The following RSPH4A variants were observed in gnomAD, a reference collection of about 807,000 sequenced individuals.
RSPH4A encodes radial spoke head component 4A.
Under a neutral mutation model 71.0 loss-of-function variants are expected in RSPH4A, and 47 were observed. The observed-to-expected ratio is 0.66, with a 90% CI of 0.52 to 0.84. The LOEUF (loss-of-function observed/expected upper bound fraction) is 0.84. Ranked by LOEUF, RSPH4A falls within the 40% of genes least tolerant of loss-of-function variation. RSPH4A has a pLI of 0.00. For missense variants in RSPH4A, 793 were observed against 855.2 expected, an observed-to-expected ratio of 0.93 and a Z score of 0.91; for synonymous variants, 282 against 302.3, an observed-to-expected ratio of 0.93 and a Z score of 0.70.
chr6:116,626,793 A>T (rs1775702159), intron 2 of RSPH4A, among the ~76,000 whole-genome samples: 2 of 152,200 alleles, frequency 1.3e-5, no homozygotes, highest in South Asian at 4.1e-4. Flanking sequence ...GTCTTCAAGT[A>T]TAGACATGAG....
chr6:116,622,577 A>G (rs1775627075), intron 1 of RSPH4A, among the ~76,000 whole-genome samples, 191 bp from the exon 2 acceptor site: 1 of 152,194 alleles, frequency 6.6e-6, no homozygotes, highest in Non-Finnish European at 1.5e-5. Context: ...TTCCTTAAAA[A>G]CAAACTGAGT....
chr6:116,622,808 G>A lies in RSPH4A; in HGVS notation c.727G>A (p.Glu243Lys), dbSNP rs756946037. The change falls in exon 2 of 6, where the codon GAG becomes AAG. Residue 243 changes from glutamate (E) to lysine (K), a missense_variant. Coordinates refer to ENST00000229554, the MANE Select transcript of RSPH4A (RefSeq NM_001010892.3). The part of the protein sequence containing the change: ...LSNMLTKILN[E>K]RPENAVDIFE... ...TAATATGTTGACCAAGATATTAAAT[G>A]AGCGTCCTGAAAATGCTGTTGACAT... 9 of 1,611,854 alleles carry A rather than the reference G, an allele frequency of 5.6e-6. No homozygotes were observed. In the Admixed American group the frequency reaches 1.0e-4, roughly 18 times the overall value.
chr6:116,618,002 G>A (rs1209448173), intron 1 of RSPH4A, among the ~76,000 whole-genome samples: 3 of 152,126 alleles, frequency 2.0e-5, no homozygotes, highest in Non-Finnish European at 2.9e-5. Context: ...TAATGATAGG[G>A]TCAGTAGAAT....
chr6:116,617,173 G>A lies in RSPH4A; in HGVS notation c.550G>A (p.Glu184Lys), dbSNP rs750012036. Residue 184 changes from glutamate to lysine, a missense_variant, in exon 1 of 6, where the codon GAA becomes AAA. Glu to Lys is a moderately conservative substitution (Grantham distance 56). Transcript: ENST00000229554. ...GCTGAGATTTGACGTTTTTCAGGAG[G>A]AAGACTCAAACAGTGACTATGATTT... is the stretch of plus-strand genomic sequence containing the variant. ...KELRFDVFQEEDSNSDYDLQQ... is the reference protein window; with the variant it reads ...KELRFDVFQEKDSNSDYDLQQ... 6 of 1,614,094 alleles carry A rather than the reference G, an allele frequency of 3.7e-6. No individual in the cohort carries two copies. The Admixed American group carries it at 1.0e-4, about 27-fold the overall frequency.
At chr6:116,631,713 G>A (rs146862719) in intron 5 of RSPH4A, among the ~76,000 whole-genome samples, 2 of 152,262 alleles carry the variant, frequency 1.3e-5, no homozygotes, top group African/African-American at 2.4e-5. Flanking sequence ...GCAACTTCCC[G>A]TAAAGACAGC....
chr6:116,625,183 C>T (rs908184906), intron 2 of RSPH4A, among the ~76,000 whole-genome samples: 5 of 152,050 alleles, frequency 3.3e-5, no homozygotes, highest in African/African-American at 1.2e-4. Flanking sequence ...TTTGACAACA[C>T]GATAAATGAC....
rs878902533 is a variant in RSPH4A, at chr6:116,632,678, A to C, written c.*237A>C. The C allele has an allele frequency of 1.2e-5, 6 of 489,174 alleles. No individual in the cohort carries two copies. In the South Asian group the frequency reaches 1.2e-4, roughly 10 times the overall value. The allele number at this position is 489,174 out of a possible 1,614,324, so 30.3% of individuals were successfully genotyped here. A position where few individuals can be genotyped will look rare whatever the true frequency, so the allele number is the denominator to read the frequency against. On this transcript the variant is annotated 3_prime_UTR_variant, in exon 6 of 6. Transcript: ENST00000229554. ...GAGGCTAAATAACATGCAATTGCAT[A>C]ATTGTTCTGAGGGTTATGGATAATG...
intron 4 of RSPH4A, 106 bp downstream of exon 4, chr6:116,629,808 G>A: frequency 3.8e-6 from 4 of 1,044,496 alleles, no homozygotes; most frequent in Non-Finnish European, 5.8e-6. Flanking sequence ...AACTGGACAG[G>A]AGCCAAGGTC....
At chr6:116,619,355 GTAGGT>G (rs1428295950) in intron 1 of RSPH4A, among the ~76,000 whole-genome samples, 2 of 152,126 alleles carry the variant, frequency 1.3e-5, no homozygotes, top group African/African-American at 4.8e-5. Flanking sequence ...ATCAGACAAA[GTAGGT>G]TAGAGAATTT....
At chr6:116,626,600 C>A (rs554418490) in intron 2 of RSPH4A, among the ~76,000 whole-genome samples, 102 of 152,308 alleles carry the variant, frequency 6.7e-4, no homozygotes, top group African/African-American at 2.4e-3. Context: ...CTCGGCCTCC[C>A]AAAGTGCTGG....
rs2115356606 is a variant in RSPH4A at position 116,623,000 on chromosome 6, A to C, written c.919A>C (p.Ile307Leu). Reference protein sequence around the residue: ...EGVDQELEDEIAENALPNVME... With the variant: ...EGVDQELEDELAENALPNVME... ...AGTTGACCAAGAATTGGAAGATGAA[A>C]TAGTAAGTCACTACTACAAATTTTA... is the stretch of plus-strand genomic sequence containing the variant. The change falls in exon 2 of 6, where the codon ATA becomes CTA. Residue 307 changes from isoleucine (I) to leucine (L), a missense_variant and splice_region_variant. By Grantham distance (5) the Ile-to-Leu change is conservative. Transcript: ENST00000229554. The C allele has an allele frequency of 6.4e-7, 1 of 1,562,606 alleles. No homozygotes were observed. The highest frequency in any genetic ancestry group is 2.2e-5 in the East Asian group (1 of 44,590).
intron 1 of RSPH4A, among the ~76,000 whole-genome samples, chr6:116,621,002 G>A (rs1395672003): frequency 6.6e-6 from 1 of 152,080 alleles, no homozygotes; most frequent in Non-Finnish European, 1.5e-5. Context: ...AGAATTACAG[G>A]TGCCTGCCAC....
intron 5 of RSPH4A, among the ~76,000 whole-genome samples, chr6:116,630,870 T>TTTTC (rs1554249740): frequency 6.9e-6 from 1 of 144,806 alleles, no homozygotes; most frequent in Non-Finnish European, 1.5e-5. Context: ...TTTTTTTTTT[T>TTTTC]AGTAGAGACA....
intron 2 of RSPH4A, among the ~76,000 whole-genome samples, chr6:116,625,363 T>G (rs1394388901): frequency 6.6e-6 from 1 of 152,140 alleles, no homozygotes; most frequent in Admixed American, 6.6e-5. Context: ...TATTTAATGT[T>G]TGGAAAAGTC....
chr6:116,628,387 C>T lies in RSPH4A; in HGVS notation c.1662+18C>T. ...TCTCTCAGGTAGGAGCTTTGCACTT[C>T]TCAATCTATCAGGTAATTAGGCAAA... On this transcript the variant is annotated intron_variant, in intron 3 of 5. Transcript: ENST00000229554. The T allele has an allele frequency of 6.3e-7, 1 of 1,577,858 alleles. No individual in the cohort carries two copies. Among genetic ancestry groups the T allele is most frequent in the Non-Finnish European group, 8.7e-7 (1 of 1,147,972 alleles).
Position 116,617,318 on chromosome 6 carries a change from C to T in RSPH4A, c.686+9C>T, listed in dbSNP as rs1562388150. The T allele has an allele frequency of 6.2e-7, 1 of 1,600,728 alleles. No homozygotes were observed. Among genetic ancestry groups the T allele is most frequent in the Non-Finnish European group, 8.5e-7 (1 of 1,172,142 alleles). On this transcript the variant is annotated intron_variant, in intron 1 of 5. Coordinates refer to ENST00000229554, the MANE Select transcript of RSPH4A (RefSeq NM_001010892.3). ...AATTCGGGCTTTAATCTGTAAGTCT[C>T]AGAGGGAAAAAAGATAAATGTTTGG...
In RSPH4A at chr6:116,622,989, TG is replaced by T. The variant is rs1455174272; in HGVS notation, c.910del (p.Glu304LysfsTer4). 1 of 1,603,118 alleles carries T rather than the reference TG, an allele frequency of 6.2e-7. No homozygotes were observed. The highest frequency in any genetic ancestry group is 2.2e-5 in the East Asian group (1 of 44,770). On this transcript the variant is annotated frameshift_variant, in exon 2 of 6. Transcript: ENST00000229554. LOFTEE classifies it high-confidence loss of function. Reference sequence around the variant, plus strand: ...CATTTGGAAGGAGTTGACCAAGAATTGGAAGATGAAATAGTAAGTCACTACT... The same window carrying T: ...CATTTGGAAGGAGTTGACCAAGAATTGAAGATGAAATAGTAAGTCACTACT... ...QGHLEGVDQE[L>X]EDEIAENALP...
intron 1 of RSPH4A, among the ~76,000 whole-genome samples, chr6:116,617,768 T>C (rs1403871182): frequency 6.6e-6 from 1 of 152,074 alleles, no homozygotes; most frequent in Non-Finnish European, 1.5e-5. Context: ...CCATCTCAGT[T>C]TGGCTGAGCG....
chr6:116,618,367 G>GA (rs1775544838), intron 1 of RSPH4A, among the ~76,000 whole-genome samples: 1 of 152,090 alleles, frequency 6.6e-6, no homozygotes, highest in African/African-American at 2.4e-5. Context: ...CTAGATTGGA[G>GA]GCCCCCAGAG....
Sources: allele counts gnomAD v4.1 joint callset (sites outside exome capture counted in the v4.1 genomes callset), GRCh38; gene constraint gnomAD v4.1.1; transcripts MANE v1.5; gene names NCBI Gene and HGNC (gene_info 2026-07-23, HGNC 2026-07-21).